The following AKT3 variants were observed in gnomAD, a reference collection of about 807,000 sequenced individuals.
AKT3 encodes AKT serine/threonine kinase 3.
Under a neutral mutation model 65.3 loss-of-function variants are expected in AKT3, and 15 were observed. The observed-to-expected ratio is 0.23, with a 90% confidence interval of 0.15 to 0.35. The LOEUF (loss-of-function observed/expected upper bound fraction) is 0.35. Among genes scored for constraint, AKT3 ranks in the 10% least tolerant of loss-of-function variants. AKT3 has a pLI of 1.00. For synonymous variants in AKT3, 206 were observed against 183.8 expected (o/e 1.12, Z -0.98); for missense variants, 243 against 576.5 (o/e 0.42, Z 5.92).
At chr1:243,702,211 G>A (rs1685514997) in intron 2 of AKT3, among the ~76,000 whole-genome samples, 1 of 151,390 alleles carries the variant, frequency 6.6e-6, no homozygotes, top group South Asian at 2.1e-4. Flanking sequence ...GCTATGTTGT[G>A]TAACAAAAGG....
At chr1:243,490,188 C>G (rs1266832734) in intron 13 of AKT3, among the ~76,000 whole-genome samples, 1 of 152,256 alleles carries the variant, frequency 6.6e-6, no homozygotes, top group Non-Finnish European at 1.5e-5. Context: ...TTTTCCCACT[C>G]GGTCCAAAAT....
chr1:243,553,106 A>G (rs1161255932), intron 10 of AKT3, among the ~76,000 whole-genome samples, 163 bp from the exon 11 acceptor site: 2 of 152,116 alleles, frequency 1.3e-5, no homozygotes, highest in Non-Finnish European at 2.9e-5. Flanking sequence ...AAAAATACAA[A>G]TCACATCAAA....
At chr1:243,790,258 G>A (rs537869777) in intron 2 of AKT3, among the ~76,000 whole-genome samples, 7 of 152,188 alleles carry the variant, frequency 4.6e-5, no homozygotes, top group Non-Finnish European at 1.0e-4. Context: ...AAAATCTATT[G>A]TTTAGTGTAA....
chr1:243,775,337 C>T (rs1690480620), intron 2 of AKT3, among the ~76,000 whole-genome samples: 1 of 152,130 alleles, frequency 6.6e-6, no homozygotes, highest in African/African-American at 2.4e-5. Context: ...CCTGCCACCA[C>T]GCCCAGCTAA....
chr1:243,589,911 A>G (rs1017577617), intron 8 of AKT3, among the ~76,000 whole-genome samples: 4 of 152,224 alleles, frequency 2.6e-5, no homozygotes, highest in Admixed American at 6.5e-5. Flanking sequence ...AATATTATTC[A>G]GCCATAAAAA....
chr1:243,638,492 A>G (rs2147815149), intron 5 of AKT3, among the ~76,000 whole-genome samples: 1 of 152,276 alleles, frequency 6.6e-6, no homozygotes, highest in African/African-American at 2.4e-5. Context: ...ATTCTTCCAG[A>G]AACTTCCAAA....
At chr1:243,717,701 G>T (rs189961733) in intron 2 of AKT3, among the ~76,000 whole-genome samples, 6 of 152,220 alleles carry the variant, frequency 3.9e-5, no homozygotes, top group Admixed American at 3.9e-4. Flanking sequence ...TGTTATAAAA[G>T]AAATTTGAGT....
rs114914899 is a variant in AKT3 at position 243,758,878 on chromosome 1, G to A, written c.47-63162C>T. The stretch of plus-strand genomic sequence containing the variant: ...GGACCAGTACTTGTCCACAGGCTGG[G>A]GGTTGGGGACACCTCATCTAGAGTC... On this transcript the variant is annotated intron_variant, in intron 2 of 13. Coordinates refer to ENST00000673466, the MANE Select transcript of AKT3 (RefSeq NM_005465.7). Among the ~76,000 whole-genome samples the A allele has an allele frequency of 4.7e-3, 722 of 152,242 alleles. 5 individuals are homozygous for A. The highest frequency in any genetic ancestry group is 0.017 in the African/African-American group (691 of 41,548).
intron 8 of AKT3, chr1:243,612,722 C>T (rs1677960659): frequency 6.6e-6 from 1 of 152,340 alleles, no homozygotes; most frequent in African/African-American, 2.4e-5. Flanking sequence ...AAATTTATCT[C>T]CAAAATATTG....
At chr1:243,804,511 G>T (rs893425607) in intron 2 of AKT3, among the ~76,000 whole-genome samples, 1 of 152,038 alleles carries the variant, frequency 6.6e-6, no homozygotes, top group Non-Finnish European at 1.5e-5. Flanking sequence ...CATTTTTGTG[G>T]TGAGAACACT....
chr1:243,677,141 GATT>G (rs900787508), intron 3 of AKT3, among the ~76,000 whole-genome samples: 5 of 152,146 alleles, frequency 3.3e-5, no homozygotes, highest in African/African-American at 4.8e-5. Flanking sequence ...AAAATTATCT[GATT>G]ATTATTAACT....
chr1:243,843,020 G>T, intron 2 of AKT3, 105 bp downstream of exon 2: 1 of 1,181,046 alleles, frequency 8.5e-7, no homozygotes, highest in Non-Finnish European at 1.2e-6. Context: ...ACTAGACATA[G>T]CATGACACAG....
chr1:243,797,160 A>G (rs1279827932), intron 2 of AKT3, among the ~76,000 whole-genome samples: 1 of 152,084 alleles, frequency 6.6e-6, no homozygotes, highest in African/African-American at 2.4e-5. Context: ...ACAACCTAAA[A>G]AATACTTTTT....
chr1:243,840,478 C>T (rs183208197), intron 2 of AKT3, among the ~76,000 whole-genome samples: 1 of 152,212 alleles, frequency 6.6e-6, no homozygotes, highest in South Asian at 2.1e-4. Flanking sequence ...CAAACCTGCA[C>T]GTTCTGCACA....
chr1:243,674,225 A>C (rs1258434701), intron 3 of AKT3, among the ~76,000 whole-genome samples: 1 of 152,218 alleles, frequency 6.6e-6, no homozygotes, highest in Admixed American at 6.5e-5. Context: ...TCATTTGGTA[A>C]ATAACTAATT....
At position 243,604,192 on chromosome 1, in the gene AKT3, A is replaced by T. The variant is rs533414475; in HGVS notation, c.696+9479T>A. ...TTCCAAGCATGAGCCACCACATCCG[A>T]CAACCTTATCATTTTTATAAGTGAA... On this transcript the variant is annotated intron_variant, in intron 8 of 13. Transcript: ENST00000673466. Among the ~76,000 whole-genome samples the T allele has an allele frequency of 4.9e-4, 74 of 152,202 alleles. No homozygotes were observed. In the South Asian group the frequency reaches 0.015, roughly 31 times the overall value.
chr1:243,551,091 G>C (rs1281721695), intron 11 of AKT3, among the ~76,000 whole-genome samples: 1 of 150,602 alleles, frequency 6.6e-6, no homozygotes, highest in African/African-American at 2.4e-5. Context: ...AACTTAAACT[G>C]AGAAACTGCT....
chr1:243,536,839 T>C (rs1034006833), intron 12 of AKT3, among the ~76,000 whole-genome samples: 3 of 152,308 alleles, frequency 2.0e-5, no homozygotes, highest in East Asian at 3.9e-4. Flanking sequence ...AACACATCTT[T>C]CTTTGACCCC....
At chr1:243,722,738 T>A (rs1686987383) in intron 2 of AKT3, among the ~76,000 whole-genome samples, 1 of 151,866 alleles carries the variant, frequency 6.6e-6, no homozygotes, top group Non-Finnish European at 1.5e-5. Context: ...ATCAACTAAC[T>A]CAGAAAAAGA....
Sources: gnomAD v4.1 joint callset for allele counts (sites outside exome capture counted in the v4.1 genomes callset) on GRCh38, gnomAD v4.1.1 for gene constraint, MANE v1.5 for transcripts, NCBI Gene and HGNC (gene_info 2026-07-23, HGNC 2026-07-21) for gene names.